Variants in ROGDI observed in about 807,000 individuals in gnomAD.
The protein encoded by ROGDI is protein rogdi homolog.
ROGDI carries 46 observed loss-of-function variants against 43.1 expected under a neutral mutation model. The ratio of observed to expected loss-of-function variants is 1.07; its 90% CI spans 0.84 to 1.37. The LOEUF is 1.37. ROGDI is among the 40% of genes most tolerant of loss of function. The probability of loss-of-function intolerance (pLI) is 0.00; values close to 1 mark genes in which losing one functional copy is unlikely to be tolerated. For missense variants in ROGDI, 518 were observed against 383.9 expected (o/e 1.35, Z -2.92); for synonymous variants, 243 against 162.0 (o/e 1.50, Z -3.80).
In ROGDI at chr16:4,801,633, C is replaced by T. The variant is rs1282088990; in HGVS notation, c.118-48G>A. On this transcript the variant is annotated intron_variant, in intron 2 of 10. Coordinates refer to ENST00000322048, the MANE Select transcript of ROGDI (RefSeq NM_024589.3). The stretch of plus-strand genomic sequence containing the variant: ...GGAGCTGGTAGCGCCCACTCAGGCC[C>T]GGCCCAGTGCTCCTTCCAGAAGCCC... 13 of 1,502,060 alleles carry T rather than the reference C, an allele frequency of 8.7e-6. No individual in the cohort carries two copies. In the East Asian group the frequency reaches 3.1e-4, roughly 36 times the overall value. 93.0% of individuals were successfully genotyped at this position (1,502,060 alleles called of 1,614,324 possible). A position where few individuals can be genotyped will look rare whatever the true frequency, so the allele number is the denominator to read the frequency against.
chr16:4,802,346 C>T (rs770596245), intron 2 of ROGDI, 36 bp downstream of exon 2: 5 of 1,526,456 alleles, frequency 3.3e-6, no homozygotes, highest in Admixed American at 2.0e-5. Flanking sequence ...GGAGGGAGGG[C>T]CGCCACGCCC....
chr16:4,799,647 TG>T, intron 6 of ROGDI, 38 bp downstream of exon 6: 1 of 1,498,324 alleles, frequency 6.7e-7, no homozygotes, highest in Non-Finnish European at 9.2e-7. Context: ...ATCAAGAACG[TG>T]GGACTAGGCC....
At chr16:4,797,876 G>A (rs760503105) in intron 9 of ROGDI, 36 bp from the exon 10 acceptor site, 11 of 1,607,590 alleles carry the variant, frequency 6.8e-6, no homozygotes, top group South Asian at 1.1e-5. Flanking sequence ...GGAGGGTCCC[G>A]GCCCTCCAGG....
chr16:4,801,243 A>T, intron 4 of ROGDI, 24 bp downstream of exon 4: 4 of 1,581,976 alleles, frequency 2.5e-6, no homozygotes, highest in Non-Finnish European at 3.4e-6. Flanking sequence ...GCAGGATGGG[A>T]GGGGACAGGG....
At chr16:4,802,155 G>A (rs1399480193) in intron 2 of ROGDI, 3 of 655,236 alleles carry the variant, frequency 4.6e-6, no homozygotes, top group Admixed American at 2.1e-5. Flanking sequence ...CCGAGGCCGG[G>A]CGGGACTCAG....
At chr16:4,799,231 T>TG (rs1186046501) in intron 6 of ROGDI, among the ~76,000 whole-genome samples, 3 of 151,958 alleles carry the variant, frequency 2.0e-5, no homozygotes, top group Non-Finnish European at 4.4e-5. Flanking sequence ...AAGAGCTGAC[T>TG]GGGGGTATAG....
intron 2 of ROGDI, 70 bp from the exon 3 acceptor site, chr16:4,801,655 G>A (rs914725113): frequency 2.9e-6 from 4 of 1,395,562 alleles, no homozygotes; most frequent in Non-Finnish European, 3.9e-6. Context: ...CCTTCCAGAA[G>A]CCCCCCTCCC....
In ROGDI at chr16:4,800,223, G is replaced by C. The variant is rs183543765; in HGVS notation, c.336+275C>G. 3.4e-3 allele frequency among the ~76,000 whole-genome samples: 525 copies of C among 152,256 alleles called. 6 individuals are homozygous for C. Among genetic ancestry groups the C allele is most frequent in the African/African-American group, 0.012 (508 of 41,554 alleles). On this transcript the variant is annotated intron_variant, in intron 5 of 10. Transcript: ENST00000322048. ...GGGCAAGGGAGTGACTTTTCAGAGG[G>C]CTTCTGAACCATCTCATCCAGCCAG... is the stretch of plus-strand genomic sequence containing the variant.
intron 6 of ROGDI, among the ~76,000 whole-genome samples, chr16:4,799,383 AGGTCAG>A (rs1268913355): frequency 6.6e-6 from 1 of 152,094 alleles, no homozygotes; most frequent in African/African-American, 2.4e-5. Context: ...CTCAAGCATG[AGGTCAG>A]GTGCCCAGGT....
At chr16:4,802,221 TA>T in intron 2 of ROGDI, 160 bp downstream of exon 2, 1 of 699,334 alleles carries the variant, frequency 1.4e-6, no homozygotes. Flanking sequence ...GGTACTTATA[TA>T]ATGAGGTCGG....
intron 4 of ROGDI, chr16:4,801,008 C>T (rs950414599): frequency 5.9e-6 from 3 of 509,132 alleles, no homozygotes; most frequent in African/African-American, 1.9e-5. Context: ...CAGCCTAATC[C>T]ACCAATGCCC....
At chr16:4,798,328 C>G (rs2082679784) in intron 7 of ROGDI, 144 bp from the exon 8 acceptor site, 2 of 793,222 alleles carry the variant, frequency 2.5e-6, no homozygotes, top group Non-Finnish European at 4.1e-6. Flanking sequence ...GGCTTCCAGA[C>G]TTTTCCCAGG....
Position 4,798,202 on chromosome 16 carries a change from G to A in ROGDI, c.532-18C>T. 6.2e-7 allele frequency: 1 copy of A among 1,602,862 alleles called. No homozygotes were observed. The highest frequency in any genetic ancestry group is 8.5e-7 in the Non-Finnish European group (1 of 1,172,224). On this transcript the variant is annotated intron_variant, in intron 7 of 10. Transcript: ENST00000322048. ...AACATCCGCTGCGGGAGGCAGGTGG[G>A]ATGAGGCCCTCGCAAGCCCCCAGCC...
At position 4,797,305 on chromosome 16, in the gene ROGDI, G is replaced by C. The variant is rs551438150; in HGVS notation, c.*155C>G. Reference sequence around the variant, plus strand: ...GCCTTCCTTCCTCCTGGCACTTCCAGTGTCCATTCCCGGCAGTGCAAATGT... The same window carrying C: ...GCCTTCCTTCCTCCTGGCACTTCCACTGTCCATTCCCGGCAGTGCAAATGT... On this transcript the variant is annotated 3_prime_UTR_variant, in exon 11 of 11. Coordinates refer to ENST00000322048, the MANE Select transcript of ROGDI (RefSeq NM_024589.3). The C allele has an allele frequency of 5.8e-6, 4 of 684,720 alleles. No individual in the cohort carries two copies. Among genetic ancestry groups the C allele is most frequent in the Non-Finnish European group, 9.7e-6 (4 of 412,624 alleles). 42.4% of individuals were successfully genotyped at this position (684,720 alleles called of 1,614,324 possible).
Position 4,802,596 on chromosome 16 carries a change from C to G in ROGDI, c.-25G>C. ...TGGCCGCAGGCCGCCGCCGAGCGCC[C>G]TCCCCACCGGCCGCTGCTCCTGTCC... On this transcript the variant is annotated 5_prime_UTR_variant, in exon 1 of 11. Coordinates refer to ENST00000322048, the MANE Select transcript of ROGDI (RefSeq NM_024589.3). 7.7e-7 allele frequency: 1 copy of G among 1,304,098 alleles called. No homozygotes were observed. Among genetic ancestry groups the G allele is most frequent in the Non-Finnish European group, 9.8e-7 (1 of 1,023,178 alleles). 80.8% of individuals were successfully genotyped at this position (1,304,098 alleles called of 1,614,324 possible). A position where few individuals can be genotyped will look rare whatever the true frequency, so the allele number is the denominator to read the frequency against.
In ROGDI at chr16:4,797,499, G is replaced by A. The variant is rs752311951; in HGVS notation, c.825C>T (p.Ile275=). 1 of 1,608,374 alleles carries A rather than the reference G, an allele frequency of 6.2e-7. No individual in the cohort carries two copies. Residue 275 remains isoleucine (I), a splice_region_variant and synonymous_variant, in exon 11 of 11, where the codon ATC becomes ATT. Transcript: ENST00000322048. The part of the protein sequence containing the change: ...LQLCQQLKDK[I]SVFSSYWSYR... ...AGCTCCAGTAGCTGGAGAACACGGA[G>A]ATCTGCAAGGGGAGAGGGTGCTGTA...
intron 6 of ROGDI, among the ~76,000 whole-genome samples, chr16:4,799,420 G>A (rs1473396230): frequency 6.6e-6 from 1 of 152,150 alleles, no homozygotes; most frequent in African/African-American, 2.4e-5. Flanking sequence ...CATGTGCCAC[G>A]CGGTTAATGT....
intron 2 of ROGDI, chr16:4,801,972 AT>A: frequency 1.7e-6 from 1 of 578,642 alleles, no homozygotes; most frequent in Non-Finnish European, 3.3e-6. Context: ...TGCCTGGCTC[AT>A]TTATCTACAC....
chr16:4,802,273 C>A (rs774452559), intron 2 of ROGDI, 109 bp downstream of exon 2: 9 of 1,034,592 alleles, frequency 8.7e-6, no homozygotes, highest in Middle Eastern at 2.1e-4. Context: ...AAAGCCGCGG[C>A]AGCCGCACAC....
Sources: gnomAD v4.1 joint callset for allele counts (sites outside exome capture counted in the v4.1 genomes callset) on GRCh38, gnomAD v4.1.1 for gene constraint, MANE v1.5 for transcripts, NCBI Gene and HGNC (gene_info 2026-07-23, HGNC 2026-07-21) for gene names.